Variants in B9D2 observed in about 807,000 individuals in gnomAD.
B9D2 encodes B9 domain containing 2.
In B9D2, 21 loss-of-function variants were observed where a neutral mutation model predicts 19.2. That is an observed-to-expected ratio of 1.09 (90% CI 0.78 to 1.58). The LOEUF is 1.58. Among genes scored for constraint, B9D2 ranks in the 40% most tolerant of loss-of-function variants. The pLI is 0.00. For missense variants in B9D2, 221 were observed against 244.3 expected (o/e 0.90, Z 0.64); for synonymous variants, 91 against 100.6 (o/e 0.90, Z 0.57).
chr19:41,357,885 T>A lies in B9D2; in HGVS notation c.214+12A>T. On this transcript the variant is annotated intron_variant, in intron 3 of 3. Transcript: ENST00000243578. ...CCCTCAGCCTGGACCCGGGTCCAGGTGTGATACCCACCTTGAAGACCTTTG... is the reference window on the plus strand; with the variant it reads ...CCCTCAGCCTGGACCCGGGTCCAGGAGTGATACCCACCTTGAAGACCTTTG... The A allele has an allele frequency of 6.2e-7, 1 of 1,613,772 alleles. No homozygotes were observed. Among genetic ancestry groups the A allele is most frequent in the African/African-American group, 1.3e-5 (1 of 74,984 alleles).
chr19:41,356,067 C>T (rs1196908031), intron 3 of B9D2, among the ~76,000 whole-genome samples: 1 of 151,946 alleles, frequency 6.6e-6, no homozygotes, highest in African/African-American at 2.4e-5. Flanking sequence ...GGTGGGGAGA[C>T]GGGAAGGAGG....
At chr19:41,357,611 G>A (rs960440552) in intron 3 of B9D2, among the ~76,000 whole-genome samples, 3 of 151,998 alleles carry the variant, frequency 2.0e-5, no homozygotes, top group Non-Finnish European at 4.4e-5. Context: ...GGAGACTCTC[G>A]TTTTGTCTCT....
intron 2 of B9D2, among the ~76,000 whole-genome samples, chr19:41,362,263 G>A (rs564997117): frequency 1.1e-3 from 169 of 149,174 alleles, no homozygotes; most frequent in African/African-American, 3.5e-3. Context: ...GGTGGCGAGC[G>A]CCTGTAGTCC....
Position 41,354,887 on chromosome 19 carries a change from C to T in B9D2, c.341G>A (p.Arg114Gln), listed in dbSNP as rs549373709. 23 of 1,613,754 alleles carry T rather than the reference C, an allele frequency of 1.4e-5. No homozygotes were observed. Among genetic ancestry groups the T allele is most frequent in the African/African-American group, 9.3e-5 (7 of 75,060 alleles). Residue 114 changes from arginine to glutamine, a missense_variant, in exon 4 of 4, where the codon CGG becomes CAG. Physicochemically the swap from Arg to Gln is conservative, Grantham distance 43. Coordinates refer to ENST00000243578, the MANE Select transcript of B9D2 (RefSeq NM_030578.4). ...CTGTTCTCGCCAACTGCCCAGGGGC[C>T]GCCACGTGGGGCAGGCCAGCTGGTG... The part of the protein sequence containing the change: ...GTHQLACPTW[R>Q]PLGSWREQLA...
Position 41,354,442 on chromosome 19 carries a change from G to A in B9D2, c.*258C>T. Reference sequence around the variant, plus strand: ...CCTGTAAGAATTGCTCTCCTTTACTGAGCACCTCCCATGTGGCTAAGCAGC... The same window carrying A: ...CCTGTAAGAATTGCTCTCCTTTACTAAGCACCTCCCATGTGGCTAAGCAGC... On this transcript the variant is annotated 3_prime_UTR_variant, in exon 4 of 4. Coordinates refer to ENST00000243578, the MANE Select transcript of B9D2 (RefSeq NM_030578.4). 1.6e-6 allele frequency: 1 copy of A among 609,812 alleles called. No homozygotes were observed. Among genetic ancestry groups the A allele is most frequent in the South Asian group, 1.9e-5 (1 of 52,126 alleles). The allele number at this position is 609,812 out of a possible 1,614,324, so 37.8% of individuals were successfully genotyped here. A position where few individuals can be genotyped will look rare whatever the true frequency, so the allele number is the denominator to read the frequency against.
chr19:41,360,349 A>G (rs1010314204), intron 2 of B9D2, among the ~76,000 whole-genome samples: 3 of 151,860 alleles, frequency 2.0e-5, no homozygotes, highest in African/African-American at 4.8e-5. Context: ...CTAATTTTTT[A>G]TTTATTTGTA....
intron 1 of B9D2, 109 bp downstream of exon 1, chr19:41,363,849 C>G (rs1184610348): frequency 1.9e-6 from 1 of 535,712 alleles, no homozygotes; most frequent in African/African-American, 1.9e-5. Context: ...TTCCGCGTCA[C>G]GCCAGCCACC....
At chr19:41,357,871 G>GTGAT in intron 3 of B9D2, 26 bp downstream of exon 3, 1 of 1,613,524 alleles carries the variant, frequency 6.2e-7, no homozygotes, top group Non-Finnish European at 8.5e-7. Context: ...CCTCAGCCTG[G>GTGAT]ACCCGGGTCC....
At position 41,360,491 on chromosome 19, in the gene B9D2, GTTTA is replaced by G. The variant is rs1442925488; in HGVS notation, c.89-2473_89-2470del. On this transcript the variant is annotated intron_variant, in intron 2 of 3. Coordinates refer to ENST00000243578, the MANE Select transcript of B9D2 (RefSeq NM_030578.4). ...CACACCCAACTGCACTCGTTTATCT[GTTTA>G]TTTATTTTATTTTATTTATTTTTTT... 5.3e-5 allele frequency among the ~76,000 whole-genome samples: 8 copies of G among 151,784 alleles called. No individual in the cohort carries two copies. The South Asian group carries it at 1.5e-3, about 28-fold the overall frequency.
At chr19:41,356,234 G>A (rs1169682377) in intron 3 of B9D2, among the ~76,000 whole-genome samples, 4 of 152,186 alleles carry the variant, frequency 2.6e-5, no homozygotes, top group Non-Finnish European at 5.9e-5. Context: ...GCAGACCAGG[G>A]GGGTTGGGGA....
intron 2 of B9D2, among the ~76,000 whole-genome samples, chr19:41,360,612 T>C (rs2038389834): frequency 6.6e-6 from 1 of 152,112 alleles, no homozygotes; most frequent in Non-Finnish European, 1.5e-5. Context: ...TTCAAGCGAT[T>C]CTCCTGCCTC....
rs1830109527 is a variant in B9D2, at chr19:41,358,085, G to A, written c.89-63C>T. On this transcript the variant is annotated intron_variant, in intron 2 of 3. Transcript: ENST00000243578. Reference sequence around the variant, plus strand: ...GCCATCGGGAAGGGGATGCCGCTGTGGCTATAGGACTGTTTCTCTGTGGCA... The same window carrying A: ...GCCATCGGGAAGGGGATGCCGCTGTAGCTATAGGACTGTTTCTCTGTGGCA... 1.0e-5 allele frequency: 16 copies of A among 1,606,734 alleles called. No homozygotes were observed. The East Asian group carries it at 3.1e-4, about 31-fold the overall frequency.
At chr19:41,360,591 C>T (rs890268449) in intron 2 of B9D2, among the ~76,000 whole-genome samples, 2 of 152,072 alleles carry the variant, frequency 1.3e-5, no homozygotes, top group Non-Finnish European at 2.9e-5. Context: ...CTGCAACCTC[C>T]GCCTCCTGGG....
At chr19:41,361,404 C>T (rs2038400483) in intron 2 of B9D2, among the ~76,000 whole-genome samples, 1 of 152,162 alleles carries the variant, frequency 6.6e-6, no homozygotes, top group Admixed American at 6.6e-5. Context: ...GAAACCAAGT[C>T]TGACTCCAGA....
chr19:41,355,626 A>T (rs1014710399), intron 3 of B9D2, among the ~76,000 whole-genome samples: 1 of 152,170 alleles, frequency 6.6e-6, no homozygotes, highest in African/African-American at 2.4e-5. Flanking sequence ...TCTCATGCTG[A>T]TCCCTTCTCC....
chr19:41,355,240 G>T (rs957273247), intron 3 of B9D2, among the ~76,000 whole-genome samples: 1 of 152,130 alleles, frequency 6.6e-6, no homozygotes, highest in Non-Finnish European at 1.5e-5. Context: ...CCCTGCTAAG[G>T]ATCCTTCCAT....
chr19:41,362,985 T>A, intron 2 of B9D2: 1 of 217,806 alleles, frequency 4.6e-6, no homozygotes, highest in Non-Finnish European at 9.5e-6. Flanking sequence ...CGGCTCACGT[T>A]TTTAATCCTA....
In B9D2 at chr19:41,354,821, T is replaced by C; in HGVS notation, c.407A>G (p.His136Arg). The C allele has an allele frequency of 6.2e-7, 1 of 1,613,994 alleles. No individual in the cohort carries two copies. The highest frequency in any genetic ancestry group is 8.5e-7 in the Non-Finnish European group (1 of 1,179,996). ...GGCCCCACTGTAGATGGTGTCCCCATGCAGCAGCTGCGGCCCACCACCCAC... is the reference window on the plus strand; with the variant it reads ...GGCCCCACTGTAGATGGTGTCCCCACGCAGCAGCTGCGGCCCACCACCCAC... ...AFVGGGPQLLHGDTIYSGADR... is the reference protein window; with the variant it reads ...AFVGGGPQLLRGDTIYSGADR... Residue 136 changes from histidine (H) to arginine (R), a missense_variant, in exon 4 of 4, where the codon CAT becomes CGT. Coordinates refer to ENST00000243578, the MANE Select transcript of B9D2 (RefSeq NM_030578.4).
At chr19:41,361,736 C>T (rs370841737) in intron 2 of B9D2, among the ~76,000 whole-genome samples, 20 of 61,210 alleles carry the variant, frequency 3.3e-4, no homozygotes, top group African/African-American at 1.4e-3. Context: ...TGCAGTGAGC[C>T]GAGATCGTGC....
Sources: allele counts gnomAD v4.1 joint callset (sites outside exome capture counted in the v4.1 genomes callset), GRCh38; gene constraint gnomAD v4.1.1; transcripts MANE v1.5; gene names NCBI Gene and HGNC (gene_info 2026-07-23, HGNC 2026-07-21).